Variants in TASOR2 observed in about 807,000 individuals in gnomAD.
TASOR2 encodes the protein protein TASOR 2.
TASOR2 carries 84 observed loss-of-function variants against 199.5 expected under a neutral mutation model. That is an observed-to-expected ratio of 0.42 (90% confidence interval 0.35 to 0.50). The LOEUF is 0.50. Ranked by LOEUF, TASOR2 falls within the 20% of genes least tolerant of loss-of-function variation. The pLI is 0.02. For missense variants in TASOR2, 2,796 were observed against 2,835.9 expected (o/e 0.99, Z 0.32); for synonymous variants, 1,103 against 1,046.6 (o/e 1.05, Z -1.04).
Position 5,691,613 on chromosome 10 carries a change from T to C in TASOR2, c.-288+6438T>C, listed in dbSNP as rs1588571512. On this transcript the variant is annotated intron_variant, in intron 1 of 20. Transcript: ENST00000328090. The stretch of plus-strand genomic sequence containing the variant: ...CTTTATAAGTTCAAATTATCCTATA[T>C]GCTATACAACACACTAATGGTAATG... Among the ~76,000 whole-genome samples, 5 of 152,366 alleles carry C rather than the reference T, an allele frequency of 3.3e-5. No homozygotes were observed. In the East Asian group the frequency reaches 9.6e-4, roughly 29 times the overall value.
intron 1 of TASOR2, among the ~76,000 whole-genome samples, chr10:5,697,929 A>G (rs1837355939): frequency 6.6e-6 from 1 of 152,224 alleles, no homozygotes; most frequent in African/African-American, 2.4e-5. Flanking sequence ...TATTGAAGAT[A>G]TAATTCACAT....
At position 5,699,825 on chromosome 10, in the gene TASOR2, T is replaced by C; in HGVS notation, c.-287-12998T>C. The C allele has an allele frequency of 1.3e-6, 1 of 756,322 alleles. No homozygotes were observed. The highest frequency in any genetic ancestry group is 1.6e-6 in the Non-Finnish European group (1 of 621,114). The allele number at this position is 756,322 out of a possible 1,614,324, so 46.9% of individuals were successfully genotyped here. A position where few individuals can be genotyped will look rare whatever the true frequency, so the allele number is the denominator to read the frequency against. ...AAAATGAGTAAAACAGGTACACATTTATTTTTATTGATGCGTAATAGATGT... is the reference window on the plus strand; with the variant it reads ...AAAATGAGTAAAACAGGTACACATTCATTTTTATTGATGCGTAATAGATGT... On this transcript the variant is annotated intron_variant, in intron 1 of 20. Transcript: ENST00000328090. This position sits in a 1 kb window ranked among gnomAD's most constrained non-coding sequence, Gnocchi z 4.1.
chr10:5,756,839 C>A, intron 16 of TASOR2, 101 bp downstream of exon 17: 1 of 1,284,674 alleles, frequency 7.8e-7, no homozygotes, highest in Non-Finnish European at 1.1e-6. Context: ...GAGAAGCTAA[C>A]AGACATTACT....
chr10:5,712,171 A>G (rs1832006198), intron 1 of TASOR2: 2 of 289,500 alleles, frequency 6.9e-6, no homozygotes, highest in Non-Finnish European at 1.3e-5. Flanking sequence ...CTGGCAGGAC[A>G]TATTTTAGCT....
Position 5,742,252 on chromosome 10 carries a change from G to C in TASOR2, c.2483G>C (p.Ser828Thr), listed in dbSNP as rs753303965. The C allele has an allele frequency of 6.2e-7, 1 of 1,614,136 alleles. No individual in the cohort carries two copies. The highest frequency in any genetic ancestry group is 1.7e-5 in the Admixed American group (1 of 60,018). The change falls in exon 14 of 21, where the codon AGC becomes ACC. Residue 828 changes from serine (S) to threonine (T), a missense_variant. Around this residue, in one of 3 missense-constraint regions of TASOR2, gnomAD observed 1,941 missense variants for 1,924.9 expected, o/e 1.01. Coordinates refer to ENST00000328090, the Ensembl canonical transcript of TASOR2. The surrounding 1 kb of genome is among the most constrained non-coding windows in gnomAD (Gnocchi z 4.2). ...CCAGCAAAATATGTGTCTATAAATA[G>C]CACGTTAGAATCTTGTGAGCTCCGT...
intron 2 of TASOR2, chr10:5,713,744 T>A (rs1465312717): frequency 6.5e-6 from 1 of 153,492 alleles, no homozygotes. Context: ...TCTAGTGGAC[T>A]TACCTGTGAC....
chr10:5,744,667 C>G lies in TASOR2; in HGVS notation c.2758-1512C>G, dbSNP rs117868110. Among the ~76,000 whole-genome samples, 733 of 152,096 alleles carry G rather than the reference C, an allele frequency of 4.8e-3. 4 individuals carry two copies. Among genetic ancestry groups the G allele is most frequent in the Non-Finnish European group, 8.7e-3 (590 of 67,998 alleles). ...AGACAGAGTCTCGTGAGCCACTGCT[C>G]CAGCCAGAAATGAGTTTGTTTGGTT... On this transcript the variant is annotated intron_variant, in intron 14 of 20. Coordinates refer to ENST00000328090, the Ensembl canonical transcript of TASOR2.
At chr10:5,709,668 G>A in intron 1 of TASOR2, 1 of 1,230,580 alleles carries the variant, frequency 8.1e-7, no homozygotes, top group Non-Finnish European at 1.0e-6. Context: ...AAAAGAGTGG[G>A]TATTAAACTA....
At chr10:5,713,088 T>A (rs1832126053) in intron 2 of TASOR2, among the ~76,000 whole-genome samples, 170 bp downstream of exon 2, 1 of 152,202 alleles carries the variant, frequency 6.6e-6, no homozygotes, top group Non-Finnish European at 1.5e-5. Flanking sequence ...GAGATTTGAT[T>A]TGATTTCTAC....
intron 11 of TASOR2, among the ~76,000 whole-genome samples, chr10:5,733,767 T>C (rs1204331766): frequency 6.6e-6 from 1 of 152,228 alleles, no homozygotes; most frequent in Non-Finnish European, 1.5e-5. Context: ...TAGTCTTAAC[T>C]GTTTTCCTGA....
At position 5,701,898 on chromosome 10, in the gene TASOR2, C is replaced by T. The variant is rs1232650309; in HGVS notation, c.-287-10925C>T. 6.9e-6 allele frequency among the ~76,000 whole-genome samples: 1 copy of T among 145,390 alleles called. No individual in the cohort carries two copies. Among genetic ancestry groups the T allele is most frequent in the East Asian group, 2.0e-4 (1 of 4,954 alleles). ...TTTTCTAAGTATAAGATCACGTTAT[C>T]TGTGAACAGGCTTATTTGACTTCTT... On this transcript the variant is annotated intron_variant, in intron 1 of 20. Coordinates refer to ENST00000328090, the Ensembl canonical transcript of TASOR2. The surrounding 1 kb of genome is among the most constrained non-coding windows in gnomAD (Gnocchi z 4.9).
Position 5,740,199 on chromosome 10 carries a change from CTG to C in TASOR2, c.2031_2032del (p.Phe678SerfsTer9). The C allele has an allele frequency of 6.2e-7, 1 of 1,614,242 alleles. No homozygotes were observed. Among genetic ancestry groups the C allele is most frequent in the East Asian group, 2.2e-5 (1 of 44,886 alleles). On this transcript the variant is annotated frameshift_variant, in exon 13 of 21. Coordinates refer to ENST00000328090, the Ensembl canonical transcript of TASOR2. LOFTEE classifies it high-confidence loss of function. This position sits in a 1 kb window ranked among gnomAD's most constrained non-coding sequence, Gnocchi z 5.3. ...ACAGGAGAGAGAGATACTAAGCCCT[CTG>C]TTTCCCAGGAATGGGACAAAAAGCC...
intron 10 of TASOR2, among the ~76,000 whole-genome samples, chr10:5,729,482 C>T (rs1024330559): frequency 1.3e-5 from 2 of 152,354 alleles, no homozygotes; most frequent in Non-Finnish European, 2.9e-5. Flanking sequence ...AGGTAGATCA[C>T]TTGAGCCCAC....
chr10:5,733,970 A>G (rs4329585), intron 11 of TASOR2, among the ~76,000 whole-genome samples: 1 of 152,164 alleles, frequency 6.6e-6, no homozygotes, highest in African/African-American at 2.4e-5. Flanking sequence ...AAAACTATTC[A>G]TTTCGCTAAC....
intron 1 of TASOR2, among the ~76,000 whole-genome samples, chr10:5,702,194 C>T (rs556649484): frequency 3.3e-5 from 5 of 152,194 alleles, no homozygotes; most frequent in East Asian, 1.9e-4. Flanking sequence ...TTATTAAATG[C>T]GTTTTCAGCA....
chr10:5,724,188 T>C (rs1833733792), intron 7 of TASOR2, among the ~76,000 whole-genome samples: 1 of 39,618 alleles, frequency 2.5e-5, no homozygotes. Flanking sequence ...TTTATTCATG[T>C]AGTATTTGTA....
At chr10:5,712,787 T>C (rs1832081699) in intron 1 of TASOR2, 36 bp from the exon 2 acceptor site, 1 of 1,060,738 alleles carries the variant, frequency 9.4e-7, no homozygotes, top group African/African-American at 1.6e-5. Flanking sequence ...ATAGTATGTT[T>C]ATAGCGTTTG....
chr10:5,747,358 A>G, exon 15 of TASOR2: 1 of 1,614,100 alleles, frequency 6.2e-7, no homozygotes, highest in Non-Finnish European at 8.5e-7. Flanking sequence ...CCCATTCTCA[A>G]ATTTAGAACT....
At chr10:5,702,264 T>C (rs1286400027) in intron 1 of TASOR2, among the ~76,000 whole-genome samples, 4 of 152,214 alleles carry the variant, frequency 2.6e-5, no homozygotes, top group African/African-American at 9.6e-5. Context: ...ATTTATTGAT[T>C]TGCACATGTT....
Sources: allele counts gnomAD v4.1 joint callset (sites outside exome capture counted in the v4.1 genomes callset), GRCh38; gene constraint gnomAD v4.1.1; regional missense constraint gnomAD v4.1.1; non-coding constraint Gnocchi (gnomAD v3.1); transcripts MANE v1.5; gene names NCBI Gene and HGNC (gene_info 2026-07-23, HGNC 2026-07-21).